EXT2: variants seen among roughly 807,000 people sequenced by gnomAD.
EXT2 encodes exostosin-2.
A neutral mutation model predicts 81.6 loss-of-function variants in EXT2; 53 were observed. The ratio of observed to expected loss-of-function variants is 0.65; its 90% CI spans 0.52 to 0.82. The LOEUF is 0.82. Among genes scored for constraint, EXT2 ranks in the 40% least tolerant of loss-of-function variants. The pLI is 0.00. For missense variants in EXT2, 774 were observed against 910.2 expected (o/e 0.85, Z 1.93); for synonymous variants, 320 against 340.0 (o/e 0.94, Z 0.65).
intron 7 of EXT2, among the ~76,000 whole-genome samples, chr11:44,153,226 T>C (rs1954815685): frequency 6.6e-6 from 1 of 152,262 alleles, no homozygotes; most frequent in Admixed American, 6.5e-5. Context: ...CTTATAGATC[T>C]TATACATATT....
At chr11:44,135,247 A>G (rs796540034) in intron 7 of EXT2, among the ~76,000 whole-genome samples, 5 of 152,306 alleles carry the variant, frequency 3.3e-5, no homozygotes, top group African/African-American at 1.2e-4. Context: ...CTTGCATACA[A>G]TTTCAACACA....
chr11:44,161,461 A>G (rs1954926591), intron 7 of EXT2, among the ~76,000 whole-genome samples: 1 of 152,110 alleles, frequency 6.6e-6, no homozygotes, highest in Non-Finnish European at 1.5e-5. Context: ...GCCTGTGAAT[A>G]GCTACTATAC....
intron 7 of EXT2, among the ~76,000 whole-genome samples, chr11:44,134,482 G>T (rs545273597): frequency 2.1e-4 from 32 of 152,278 alleles, no homozygotes; most frequent in African/African-American, 7.7e-4. Flanking sequence ...GAATTTCTTG[G>T]AGATGTAGAA....
intron 12 of EXT2, 139 bp downstream of exon 12, chr11:44,234,382 T>A: frequency 1.2e-6 from 1 of 830,514 alleles, no homozygotes. Context: ...GTTCTATGAT[T>A]GATGCGGTCA....
At chr11:44,175,658 A>G (rs1466616312) in intron 8 of EXT2, among the ~76,000 whole-genome samples, 1 of 152,240 alleles carries the variant, frequency 6.6e-6, no homozygotes, top group Admixed American at 6.5e-5. Flanking sequence ...ATCACTTAAC[A>G]TGTATAGAAG....
chr11:44,206,774 A>G lies in EXT2; in HGVS notation c.1496-19A>G. 2 of 1,613,702 alleles carry G rather than the reference A, an allele frequency of 1.2e-6. No individual in the cohort carries two copies. Among genetic ancestry groups the G allele is most frequent in the South Asian group, 1.1e-5 (1 of 91,068 alleles). On this transcript the variant is annotated intron_variant, in intron 9 of 13. Coordinates refer to ENST00000533608, the MANE Select transcript of EXT2 (RefSeq NM_207122.2). Reference sequence around the variant, plus strand: ...CACAAAAGTTAGGAGAATAGTAAATACCTTTTCTCTTTTTCCAGATTCTCT... The same window carrying G: ...CACAAAAGTTAGGAGAATAGTAAATGCCTTTTCTCTTTTTCCAGATTCTCT...
chr11:44,170,810 TCACACACACA>T (rs58131996), intron 7 of EXT2, among the ~76,000 whole-genome samples: 41,295 of 145,382 alleles, frequency 0.28, 5,736 homozygotes, highest in Middle Eastern at 0.33. Flanking sequence ...ACGTTCACAT[TCACACACACA>T]CACACACACA....
intron 12 of EXT2, among the ~76,000 whole-genome samples, chr11:44,235,225 CTTT>C (rs35214626): frequency 2.0e-5 from 1 of 50,768 alleles, no homozygotes; most frequent in Non-Finnish European, 3.2e-5. Flanking sequence ...CCCAAATTTG[CTTT>C]TTTTTTTTTT....
chr11:44,135,178 C>T (rs926139958), intron 7 of EXT2, among the ~76,000 whole-genome samples: 5 of 152,182 alleles, frequency 3.3e-5, no homozygotes, highest in African/African-American at 9.7e-5. Flanking sequence ...TGTGTGCATA[C>T]ACCGAAGTTC....
intron 12 of EXT2, among the ~76,000 whole-genome samples, chr11:44,235,773 G>A (rs2135266600): frequency 6.6e-6 from 1 of 152,204 alleles, no homozygotes; most frequent in African/African-American, 2.4e-5. Flanking sequence ...GGGGAGTCAG[G>A]GAAAAAGATT....
At position 44,129,986 on chromosome 11, in the gene EXT2, G is replaced by A. The variant is rs1262427832; in HGVS notation, c.1080-59G>A. On this transcript the variant is annotated intron_variant, in intron 6 of 13. Coordinates refer to ENST00000533608, the MANE Select transcript of EXT2 (RefSeq NM_207122.2). ...CTTGTGAAATGAAACAAGACTGTGT[G>A]TAGAAATGCTTTCTGTGAAGGGCTG... 17 of 1,311,552 alleles carry A rather than the reference G, an allele frequency of 1.3e-5. No individual in the cohort carries two copies. In the Admixed American group the frequency reaches 2.9e-4, roughly 22 times the overall value. 81.2% of individuals were successfully genotyped at this position (1,311,552 alleles called of 1,614,324 possible).
intron 10 of EXT2, among the ~76,000 whole-genome samples, chr11:44,231,250 A>T (rs1430080810): frequency 2.0e-5 from 3 of 152,070 alleles, no homozygotes; most frequent in African/African-American, 7.3e-5. Flanking sequence ...AGCCAGCAGT[A>T]CTCGCTAATG....
At chr11:44,181,030 G>A (rs868447963) in intron 8 of EXT2, among the ~76,000 whole-genome samples, 7 of 152,166 alleles carry the variant, frequency 4.6e-5, no homozygotes, top group Middle Eastern at 3.4e-3. Flanking sequence ...GAAGCCAGGA[G>A]GCGGAGGTTG....
chr11:44,228,749 C>T (rs1350551554), intron 10 of EXT2, among the ~76,000 whole-genome samples: 1 of 152,072 alleles, frequency 6.6e-6, no homozygotes, highest in Non-Finnish European at 1.5e-5. Flanking sequence ...CCATTGTCAC[C>T]AAATTAAGTC....
At chr11:44,137,932 A>G (rs1954592935) in intron 7 of EXT2, among the ~76,000 whole-genome samples, 1 of 152,226 alleles carries the variant, frequency 6.6e-6, no homozygotes, top group Admixed American at 6.5e-5. Context: ...GAGAACTTTC[A>G]GTAATACATA....
intron 10 of EXT2, among the ~76,000 whole-genome samples, chr11:44,208,198 A>AT (rs34432174): frequency 0.044 from 6,355 of 145,298 alleles, 387 homozygotes; most frequent in East Asian, 0.29. Flanking sequence ...AAAAAGACTA[A>AT]TTTTTTTTTT....
At chr11:44,174,151 A>G (rs1452271004) in intron 8 of EXT2, among the ~76,000 whole-genome samples, 1 of 152,208 alleles carries the variant, frequency 6.6e-6, no homozygotes, top group Non-Finnish European at 1.5e-5. Context: ...TGTATTTTTC[A>G]AGGGAAAGAC....
rs1321100355 is a variant in EXT2 at position 44,108,020 on chromosome 11, A to T, written c.308A>T (p.Lys103Ile). Residue 103 changes from lysine (K) to isoleucine (I), a missense_variant, in exon 2 of 14, where the codon AAA becomes ATA. Lys to Ile is a moderately radical substitution (Grantham distance 102). This residue lies in a region of EXT2 where 626 missense variants were observed against 670.5 expected (regional missense o/e 0.93). Coordinates refer to ENST00000533608, the MANE Select transcript of EXT2 (RefSeq NM_207122.2). The part of the protein sequence containing the change: ...VYRCGFNPKN[K>I]IKVYIYALKK... Reference sequence around the variant, plus strand: ...CGCTGTGGCTTCAACCCAAAGAACAAAATCAAGGTGTATATCTATGCTCTG... The same window carrying T: ...CGCTGTGGCTTCAACCCAAAGAACATAATCAAGGTGTATATCTATGCTCTG... 1 of 1,614,046 alleles carries T rather than the reference A, an allele frequency of 6.2e-7. No homozygotes were observed. Among genetic ancestry groups the T allele is most frequent in the Non-Finnish European group, 8.5e-7 (1 of 1,180,042 alleles).
At chr11:44,243,933 C>A (rs942497502) in intron 13 of EXT2, among the ~76,000 whole-genome samples, 2 of 152,100 alleles carry the variant, frequency 1.3e-5, no homozygotes, top group African/African-American at 4.8e-5. Flanking sequence ...ACTAATAGTC[C>A]AAGTACCCCC....
Sources: gnomAD v4.1 joint callset for allele counts (sites outside exome capture counted in the v4.1 genomes callset) on GRCh38, gnomAD v4.1.1 for gene constraint, gnomAD v4.1.1 regional missense constraint, MANE v1.5 for transcripts, NCBI Gene and HGNC (gene_info 2026-07-23, HGNC 2026-07-21) for gene names.